The following CFAP299 variants were observed in gnomAD, a reference collection of about 807,000 sequenced individuals.
CFAP299 encodes the protein cilia and flagella associated protein 299, also known as cilia- and flagella-associated protein 299.
A neutral mutation model predicts 27.0 loss-of-function variants in CFAP299; 21 were observed. The ratio of observed to expected loss-of-function variants is 0.78; its 90% confidence interval spans 0.55 to 1.12. The LOEUF (loss-of-function observed/expected upper bound fraction) is 1.12, where lower values mean the gene tolerates loss of function less well. Among genes scored for constraint, CFAP299 ranks in the 50% most tolerant of loss-of-function variants. CFAP299 has a pLI of 0.00. For synonymous variants in CFAP299, 104 were observed against 98.1 expected (o/e 1.06, Z -0.36); for missense variants, 310 against 276.6 (o/e 1.12, Z -0.86).
At chr4:80,386,852 C>T (rs1362204227) in intron 2 of CFAP299, 6 of 879,944 alleles carry the variant, frequency 6.8e-6, no homozygotes, top group South Asian at 1.3e-5. Flanking sequence ...GTCTCTCTTA[C>T]AGTTTGTCCT....
At chr4:80,640,414 C>G (rs987877668) in intron 3 of CFAP299, among the ~76,000 whole-genome samples, 2 of 152,110 alleles carry the variant, frequency 1.3e-5, no homozygotes, top group Non-Finnish European at 2.9e-5. Context: ...AATAAGCCAC[C>G]TGTTTTGTTT....
At position 80,393,125 on chromosome 4, in the gene CFAP299, CA is replaced by C. The variant is rs1303622492; in HGVS notation, c.242+30247del. 6.0e-5 allele frequency among the ~76,000 whole-genome samples: 9 copies of C among 150,784 alleles called. No individual in the cohort carries two copies. In the East Asian group the frequency reaches 1.2e-3, roughly 20 times the overall value. ...TAATGTTTATGTCTTAGTTTTTTAA[CA>C]AAAAAGTTTTAAAAGCAAAAAATAA... On this transcript the variant is annotated intron_variant, in intron 2 of 5. Transcript: ENST00000358105.
intron 3 of CFAP299, among the ~76,000 whole-genome samples, chr4:80,830,436 G>A (rs1172748383): frequency 1.3e-5 from 2 of 152,040 alleles, no homozygotes; most frequent in African/African-American, 2.4e-5. Flanking sequence ...GTAGGTTTAG[G>A]CAGAAGGAAA....
chr4:80,345,176 A>T (rs1236724107), intron 1 of CFAP299, among the ~76,000 whole-genome samples: 1 of 152,160 alleles, frequency 6.6e-6, no homozygotes, highest in African/African-American at 2.4e-5. Context: ...AGGGTTTTCA[A>T]ATAGTGAGAG....
intron 3 of CFAP299, among the ~76,000 whole-genome samples, chr4:80,790,832 A>C (rs1425217032): frequency 6.6e-6 from 1 of 152,106 alleles, no homozygotes; most frequent in East Asian, 1.9e-4. Context: ...TGACTATTAC[A>C]TGTGAACAAA....
chr4:80,866,947 G>A (rs10516649), intron 3 of CFAP299, among the ~76,000 whole-genome samples: 18,917 of 152,062 alleles, frequency 0.12, 1,349 homozygotes, highest in Middle Eastern at 0.25. Flanking sequence ...AGAAATTTTG[G>A]TATTAGCTTA....
At chr4:80,790,731 G>C (rs1727513534) in intron 3 of CFAP299, among the ~76,000 whole-genome samples, 1 of 151,886 alleles carries the variant, frequency 6.6e-6, no homozygotes, top group African/African-American at 2.4e-5. Flanking sequence ...TCCAATCTAT[G>C]GTGCTCTATT....
intron 2 of CFAP299, among the ~76,000 whole-genome samples, chr4:80,396,977 C>G (rs1725833370): frequency 6.6e-6 from 1 of 152,128 alleles, no homozygotes; most frequent in Non-Finnish European, 1.5e-5. Flanking sequence ...CCTTGTACCT[C>G]TGGTAGAATT....
chr4:80,436,670 A>G (rs1215376492), intron 2 of CFAP299, among the ~76,000 whole-genome samples: 3 of 152,168 alleles, frequency 2.0e-5, no homozygotes, highest in Admixed American at 2.0e-4. Flanking sequence ...AATTTTTTGA[A>G]ACATAGGTAA....
chr4:80,616,664 T>C (rs1738303609), intron 3 of CFAP299, among the ~76,000 whole-genome samples: 1 of 152,082 alleles, frequency 6.6e-6, no homozygotes, highest in Non-Finnish European at 1.5e-5. Context: ...CATGTATATT[T>C]AGATTAACCC....
intron 2 of CFAP299, among the ~76,000 whole-genome samples, chr4:80,419,209 G>A (rs1054739384): frequency 2.6e-5 from 4 of 152,170 alleles, no homozygotes; most frequent in Non-Finnish European, 5.9e-5. Flanking sequence ...GGCCAAGGGG[G>A]CAACTTAAGA....
At chr4:80,512,713 A>G (rs76799476) in intron 2 of CFAP299, among the ~76,000 whole-genome samples, 4,897 of 152,158 alleles carry the variant, frequency 0.032, 146 homozygotes, top group South Asian at 0.096. Flanking sequence ...TGCAAAAAGC[A>G]TCTTTGGATG....
intron 3 of CFAP299, among the ~76,000 whole-genome samples, chr4:80,809,427 T>C (rs1285986696): frequency 6.6e-6 from 1 of 152,126 alleles, no homozygotes; most frequent in East Asian, 1.9e-4. Flanking sequence ...TGTTTTATAC[T>C]TTTTCTTAAT....
chr4:80,926,046 A>G (rs1736288741), intron 4 of CFAP299, among the ~76,000 whole-genome samples: 1 of 152,066 alleles, frequency 6.6e-6, no homozygotes, highest in Non-Finnish European at 1.5e-5. Flanking sequence ...GAAGTATTGC[A>G]TGATATGATA....
intron 3 of CFAP299, among the ~76,000 whole-genome samples, chr4:80,827,342 T>C (rs1273568778): frequency 6.6e-6 from 1 of 151,794 alleles, no homozygotes; most frequent in Non-Finnish European, 1.5e-5. Flanking sequence ...AACAGCACAT[T>C]ACAATGATTA....
chr4:80,347,339 C>T (rs1722783905), intron 1 of CFAP299, among the ~76,000 whole-genome samples: 2 of 152,002 alleles, frequency 1.3e-5, no homozygotes, highest in African/African-American at 2.4e-5. Flanking sequence ...AGAAGGCATC[C>T]GTGTCTTGTG....
At chr4:80,390,478 C>CCT (rs60538104) in intron 2 of CFAP299, among the ~76,000 whole-genome samples, 26 of 137,326 alleles carry the variant, frequency 1.9e-4, no homozygotes, top group African/African-American at 1.9e-4. Context: ...GCAATTCTCT[C>CCT]CTCTCTCTCT....
rs370620925 is a variant in CFAP299 at position 80,423,829 on chromosome 4, G to C, written c.242+60945G>C. ...GACAAAGGCAAGGCTCTGGGAGACT[G>C]GCTGAGCTTTGAGCTGGAACTGCAT... On this transcript the variant is annotated intron_variant, in intron 2 of 5. Coordinates refer to ENST00000358105, the MANE Select transcript of CFAP299 (RefSeq NM_152770.3). Among the ~76,000 whole-genome samples, 8 of 152,276 alleles carry C rather than the reference G, an allele frequency of 5.3e-5. No individual in the cohort carries two copies. The South Asian group carries it at 8.3e-4, about 16-fold the overall frequency.
At chr4:80,629,004 A>G (rs1040063871) in intron 3 of CFAP299, among the ~76,000 whole-genome samples, 1 of 152,212 alleles carries the variant, frequency 6.6e-6, no homozygotes, top group African/African-American at 2.4e-5. Context: ...TATGTTGAAA[A>G]GATTCCTTTA....
Sources: gnomAD v4.1 joint callset for allele counts (sites outside exome capture counted in the v4.1 genomes callset) on GRCh38, gnomAD v4.1.1 for gene constraint, MANE v1.5 for transcripts, NCBI Gene and HGNC (gene_info 2026-07-23, HGNC 2026-07-21) for gene names.